The following EEF1AKMT2 variants were observed in gnomAD, a reference collection of about 807,000 sequenced individuals.
EEF1AKMT2 encodes the protein eukaryotic translation elongation factor 1 alpha lysine methyltransferase 2.
Under a neutral mutation model 35.8 loss-of-function variants are expected in EEF1AKMT2, and 32 were observed. The observed-to-expected ratio is 0.89, with a 90% CI of 0.67 to 1.20. EEF1AKMT2 has a LOEUF of 1.20. Ranked by LOEUF, EEF1AKMT2 falls within the 50% of genes most tolerant of loss-of-function variation. The probability of loss-of-function intolerance (pLI) is 0.00; values close to 1 mark genes in which losing one functional copy is unlikely to be tolerated. For missense variants in EEF1AKMT2, 330 were observed against 347.5 expected (o/e 0.95, Z 0.40); for synonymous variants, 121 against 133.7 (o/e 0.91, Z 0.65).
chr10:124,760,216 C>A lies in EEF1AKMT2; in HGVS notation c.*287G>T. 1 of 413,614 alleles carries A rather than the reference C, an allele frequency of 2.4e-6. No homozygotes were observed. Among genetic ancestry groups the A allele is most frequent in the Non-Finnish European group, 4.3e-6 (1 of 233,620 alleles). 25.6% of individuals were successfully genotyped at this position (413,614 alleles called of 1,614,324 possible). A position where few individuals can be genotyped will look rare whatever the true frequency, so the allele number is the denominator to read the frequency against. On this transcript the variant is annotated 3_prime_UTR_variant, in exon 7 of 7. Transcript: ENST00000368836. The stretch of plus-strand genomic sequence containing the variant: ...AATACAAAAGAAAATTAAAATTATT[C>A]TTGATTGATCTCTAAAACCCAACCA...
intron 5 of EEF1AKMT2, among the ~76,000 whole-genome samples, chr10:124,764,721 T>C (rs1331739914): frequency 1.3e-5 from 2 of 152,230 alleles, no homozygotes; most frequent in Non-Finnish European, 1.5e-5. Context: ...AAAGTATCTA[T>C]AATATCAAAA....
At chr10:124,769,005 G>A (rs554128841) in intron 4 of EEF1AKMT2, among the ~76,000 whole-genome samples, 198 of 151,020 alleles carry the variant, frequency 1.3e-3, no homozygotes, top group African/African-American at 4.6e-3. Flanking sequence ...GAGGCAGGCA[G>A]ATTGTTTGAG....
intron 4 of EEF1AKMT2, chr10:124,766,251 T>C (rs1215309808): frequency 6.6e-6 from 1 of 152,138 alleles, no homozygotes; most frequent in Non-Finnish European, 1.5e-5. Flanking sequence ...AGTTACAAAT[T>C]TATTCCTTCC....
At position 124,781,191 on chromosome 10, in the gene EEF1AKMT2, G is replaced by A. The variant is rs931141456; in HGVS notation, c.292-6409C>T. Among the ~76,000 whole-genome samples, 8 of 151,834 alleles carry A rather than the reference G, an allele frequency of 5.3e-5. No homozygotes were observed. In the South Asian group the frequency reaches 1.3e-3, roughly 24 times the overall value. ...GATCTCCCGACCTCGTGATCTGCCC[G>A]CCTCGGCCTCCCAAAATGCTGGGAT... On this transcript the variant is annotated intron_variant, in intron 3 of 6. Transcript: ENST00000368836.
chr10:124,777,859 T>C (rs1471821352), intron 3 of EEF1AKMT2, among the ~76,000 whole-genome samples: 1 of 151,926 alleles, frequency 6.6e-6, no homozygotes, highest in Non-Finnish European at 1.5e-5. Flanking sequence ...ATAGAAAGGG[T>C]AAAAATACAG....
intron 3 of EEF1AKMT2, among the ~76,000 whole-genome samples, chr10:124,776,999 G>A (rs774346086): frequency 1.3e-5 from 2 of 151,908 alleles, no homozygotes; most frequent in Non-Finnish European, 2.9e-5. Context: ...CATAATATGG[G>A]CCGGGCATGG....
chr10:124,766,953 A>C (rs1323541710), intron 4 of EEF1AKMT2, among the ~76,000 whole-genome samples: 3 of 151,648 alleles, frequency 2.0e-5, no homozygotes, highest in Non-Finnish European at 2.9e-5. Flanking sequence ...CGAGGTCAGG[A>C]GATCAAGACC....
chr10:124,784,784 A>G (rs1371801527), intron 3 of EEF1AKMT2, among the ~76,000 whole-genome samples: 1 of 152,070 alleles, frequency 6.6e-6, no homozygotes, highest in Non-Finnish European at 1.5e-5. Flanking sequence ...TACAAAAATT[A>G]GCGGGGCATG....
intron 4 of EEF1AKMT2, among the ~76,000 whole-genome samples, chr10:124,769,474 G>A (rs181068175): frequency 6.6e-6 from 1 of 151,952 alleles, no homozygotes; most frequent in Non-Finnish European, 1.5e-5. Flanking sequence ...GTTTTGAACA[G>A]GCAGATTTTA....
intron 1 of EEF1AKMT2, among the ~76,000 whole-genome samples, chr10:124,790,652 A>C (rs1009736524): frequency 2.6e-5 from 4 of 152,152 alleles, no homozygotes; most frequent in African/African-American, 4.8e-5. Context: ...CAAGTTCAAA[A>C]CTTGATGAAA....
rs146411278 is a variant in EEF1AKMT2, at chr10:124,777,320, A to G, written c.292-2538T>C. Among the ~76,000 whole-genome samples, 157 of 152,078 alleles carry G rather than the reference A, an allele frequency of 1.0e-3. 2 individuals are homozygous for G. In the East Asian group the frequency reaches 0.026, roughly 25 times the overall value. On this transcript the variant is annotated intron_variant, in intron 3 of 6. Transcript: ENST00000368836. ...AAGAAAAAAAGACAGAATATAGCAC[A>G]GAATATAAGATGTAACACATACACA...
At chr10:124,783,416 T>C (rs564205142) in intron 3 of EEF1AKMT2, among the ~76,000 whole-genome samples, 12 of 152,260 alleles carry the variant, frequency 7.9e-5, no homozygotes, top group African/African-American at 2.4e-4. Context: ...AGTGCTAGGA[T>C]TGCCGGCATA....
rs377726832 is a variant in EEF1AKMT2 at position 124,791,718 on chromosome 10, A to C, written c.110+6T>G. ...CTCATCCTCCCCTGCCCAGCGTCAC[A>C]CTCACTGCTCGCGGGTCCCCAGCGC... On this transcript the variant is annotated splice_donor_region_variant and intron_variant, in intron 1 of 6. Transcript: ENST00000368836. 3 of 1,578,154 alleles carry C rather than the reference A, an allele frequency of 1.9e-6. No individual in the cohort carries two copies. In the African/African-American group the frequency reaches 4.0e-5, roughly 21 times the overall value.
rs547603463 is a variant in EEF1AKMT2 at position 124,791,597 on chromosome 10, C to G, written c.110+127G>C. ...TCCCCGTAAGCCCCCCGCCAGGTGG[C>G]CCTGCTCCCGTCACGCCCCCGAGGG... On this transcript the variant is annotated intron_variant, in intron 1 of 6. Transcript: ENST00000368836. 5 of 1,368,044 alleles carry G rather than the reference C, an allele frequency of 3.7e-6. No individual in the cohort carries two copies. In the East Asian group the frequency reaches 1.0e-4, roughly 28 times the overall value. 84.7% of individuals were successfully genotyped at this position (1,368,044 alleles called of 1,614,324 possible).
At chr10:124,776,770 G>A (rs1285148172) in intron 3 of EEF1AKMT2, among the ~76,000 whole-genome samples, 1 of 151,698 alleles carries the variant, frequency 6.6e-6, no homozygotes, top group Non-Finnish European at 1.5e-5. Flanking sequence ...ACTCCAGCCT[G>A]GGCAACAGAA....
In EEF1AKMT2 at chr10:124,758,780, T is replaced by C. The variant is rs546829140; in HGVS notation, c.*1723A>G. On this transcript the variant is annotated 3_prime_UTR_variant, in exon 7 of 7. Coordinates refer to ENST00000368836, the MANE Select transcript of EEF1AKMT2 (RefSeq NM_212554.4). ...AACAAAGACCCGATCTCAAAAACTA[T>C]AAAAGTTTCTACAGTTTAAGATCTC... The C allele has an allele frequency of 8.2e-4, 125 of 152,302 alleles. 1 individual carries two copies. The highest frequency in any genetic ancestry group is 2.8e-3 in the African/African-American group (118 of 41,578). The allele number at this position is 152,302 out of a possible 1,614,324, so 9.4% of individuals were successfully genotyped here.
At chr10:124,761,574 C>A (rs1042388783) in intron 6 of EEF1AKMT2, among the ~76,000 whole-genome samples, 10 of 152,130 alleles carry the variant, frequency 6.6e-5, no homozygotes, top group African/African-American at 1.9e-4. Context: ...ATCCTAGGTT[C>A]AAATCCTAGG....
rs1554918000 is a variant in EEF1AKMT2 at position 124,774,406 on chromosome 10, A to AAAAAAAAAAAAACAG, written c.399+268_399+269insCTGTTTTTTTTTTTT. Among the ~76,000 whole-genome samples, 2 of 48,474 alleles carry AAAAAAAAAAAAACAG rather than the reference A, an allele frequency of 4.1e-5. 1 individual carries two copies. Among genetic ancestry groups the AAAAAAAAAAAAACAG allele is most frequent in the Admixed American group, 5.5e-4 (2 of 3,660 alleles). 31.8% of individuals were successfully genotyped at this position (48,474 alleles called of 152,430 possible). A position where few individuals can be genotyped will look rare whatever the true frequency, so the allele number is the denominator to read the frequency against. On this transcript the variant is annotated intron_variant, in intron 4 of 6. Coordinates refer to ENST00000368836, the MANE Select transcript of EEF1AKMT2 (RefSeq NM_212554.4). The stretch of plus-strand genomic sequence containing the variant: ...AAAAAAAAAAAAAAAAAAAAAAAAA[A>AAAAAAAAAAAAACAG]AAAACCCTTTTGATCTGGTTAATCC...
Position 124,791,795 on chromosome 10 carries a change from C to G in EEF1AKMT2, c.39G>C (p.Val13=). ...GACTGCCCTTGTCCGACCGCGCCGC[C>G]ACCGCAGCGCCACCGCCGCCGTCAG... ...SGADGGGGAA[V]AARSDKGSPG... is the part of the protein sequence containing the mutation. Residue 13 remains valine (V), a synonymous_variant, in exon 1 of 7, where the codon GTG becomes GTC. Transcript: ENST00000368836. 1 of 1,590,742 alleles carries G rather than the reference C, an allele frequency of 6.3e-7. No homozygotes were observed. Among genetic ancestry groups the G allele is most frequent in the East Asian group, 2.3e-5 (1 of 44,036 alleles).
Sources: allele counts gnomAD v4.1 joint callset (sites outside exome capture counted in the v4.1 genomes callset), GRCh38; gene constraint gnomAD v4.1.1; transcripts MANE v1.5; gene names NCBI Gene and HGNC (gene_info 2026-07-23, HGNC 2026-07-21).